The following SRPRB variants were observed in gnomAD, a reference collection of about 807,000 sequenced individuals.
SRPRB encodes signal recognition particle receptor subunit beta.
A neutral mutation model predicts 31.9 loss-of-function variants in SRPRB; 20 were observed. The ratio of observed to expected loss-of-function variants is 0.63; its 90% CI spans 0.44 to 0.91. The LOEUF (loss-of-function observed/expected upper bound fraction) is 0.91, where lower values mean the gene tolerates loss of function less well. Among genes scored for constraint, SRPRB ranks in the 40% least tolerant of loss-of-function variants. SRPRB has a pLI of 0.00. For missense variants in SRPRB, 321 were observed against 324.9 expected, an observed-to-expected ratio of 0.99 and a Z score of 0.09; for synonymous variants, 146 against 132.8, an observed-to-expected ratio of 1.10 and a Z score of -0.68.
intron 3 of SRPRB, 105 bp downstream of exon 3, chr3:133,807,928 T>C: frequency 1.3e-6 from 1 of 777,942 alleles, no homozygotes; most frequent in East Asian, 2.6e-5. Context: ...AAGTACCATT[T>C]GTAGCTTATT....
At chr3:133,810,618 AGT>A (rs1010177503) in intron 3 of SRPRB, 1 of 152,276 alleles carries the variant, frequency 6.6e-6, no homozygotes, top group African/African-American at 2.4e-5. Context: ...AAATGATAAA[AGT>A]GTACTTTGTT....
chr3:133,827,384 T>C (rs543297110), downstream of SRPRB: 9 of 153,186 alleles, frequency 5.9e-5, no homozygotes, highest in African/African-American at 2.2e-4. Flanking sequence ...CTCAGGGCAG[T>C]GAGTCTGAGT....
chr3:133,807,377 C>G (rs994928071), intron 2 of SRPRB, among the ~76,000 whole-genome samples: 2 of 151,398 alleles, frequency 1.3e-5, no homozygotes, highest in Non-Finnish European at 1.5e-5. Flanking sequence ...CCTCAGCCTC[C>G]GAGTAGCTGG....
intron 3 of SRPRB, among the ~76,000 whole-genome samples, chr3:133,809,520 C>T (rs1935221995): frequency 6.6e-6 from 1 of 151,666 alleles, no homozygotes; most frequent in Non-Finnish European, 1.5e-5. Context: ...CTCTTTGTGG[C>T]CCAGACCTTT....
Position 133,806,003 on chromosome 3 carries a change from G to A in SRPRB, c.154+1G>A, listed in dbSNP as rs1935149297. ...GTTCTTGCGGTGCTGCTGACGCTAG[G>A]TAAAAGGCGGCCGGTGGTCATGGCG... On this transcript the variant is annotated splice_donor_variant, in intron 1 of 6. Transcript: ENST00000678299. LOFTEE classifies it high-confidence loss of function. 1.2e-6 allele frequency: 2 copies of A among 1,612,244 alleles called. No individual in the cohort carries two copies. Among genetic ancestry groups the A allele is most frequent in the Non-Finnish European group, 1.7e-6 (2 of 1,178,862 alleles).
At chr3:133,800,574 G>A (rs376325662) in intron 1 of SRPRB, among the ~76,000 whole-genome samples, 1 of 152,174 alleles carries the variant, frequency 6.6e-6, no homozygotes, top group African/African-American at 2.4e-5. Flanking sequence ...TGTATCTGAC[G>A]AAGAATATTG....
chr3:133,806,893 CT>C (rs76635982), intron 2 of SRPRB, among the ~76,000 whole-genome samples, 190 bp downstream of exon 2: 18 of 148,822 alleles, frequency 1.2e-4, no homozygotes, highest in Admixed American at 2.7e-4. Flanking sequence ...GTCATTTCTC[CT>C]TTTTTTTTTC....
chr3:133,784,459 C>A (rs1160434432), intron 1 of SRPRB: 1 of 97,364 alleles, frequency 1.0e-5, no homozygotes, highest in Non-Finnish European at 2.0e-5. Context: ...TGTAAATTCC[C>A]ATTTGTTAAA....
At chr3:133,823,725 G>T (rs970482647), downstream of SRPRB, among the ~76,000 whole-genome samples, 7 of 152,168 alleles carry the variant, frequency 4.6e-5, no homozygotes, top group African/African-American at 1.7e-4. Flanking sequence ...ACCTGGAGGG[G>T]CCACTCAGGG....
intron 6 of SRPRB, among the ~76,000 whole-genome samples, chr3:133,818,786 G>GTGTGTA (rs1491489219): frequency 9.6e-5 from 1 of 10,426 alleles, no homozygotes; most frequent in Admixed American, 8.6e-4. Flanking sequence ...TACTTTTACA[G>GTGTGTA]TGTGTGTGTG....
intron 1 of SRPRB, chr3:133,789,878 CG>C (rs1278111264): frequency 2.9e-3 from 150 of 52,432 alleles, no homozygotes; most frequent in African/African-American, 0.01. Flanking sequence ...ATCTCGTTTG[CG>C]TTTTTTTTTT....
chr3:133,789,606 T>G (rs1934777086), intron 1 of SRPRB: 1 of 152,242 alleles, frequency 6.6e-6, no homozygotes, highest in African/African-American at 2.4e-5. Context: ...ATTTGTTATA[T>G]GTTGTGTTTT....
chr3:133,818,683 A>G (rs1935408666), intron 6 of SRPRB, among the ~76,000 whole-genome samples: 1 of 152,094 alleles, frequency 6.6e-6, no homozygotes. Flanking sequence ...ATACCTATGT[A>G]CTCACCACCA....
chr3:133,799,001 A>T (rs1935021284), intron 1 of SRPRB, among the ~76,000 whole-genome samples: 1 of 152,192 alleles, frequency 6.6e-6, no homozygotes, highest in African/African-American at 2.4e-5. Flanking sequence ...CAACTCACTC[A>T]TAAAGAAATA....
intron 5 of SRPRB, among the ~76,000 whole-genome samples, chr3:133,816,397 T>C (rs968616542): frequency 3.3e-5 from 5 of 152,236 alleles, no homozygotes; most frequent in Non-Finnish European, 7.4e-5. Flanking sequence ...TTATTTGCCA[T>C]GGGCTTTGTG....
At chr3:133,815,083 A>G (rs1462484943) in intron 4 of SRPRB, among the ~76,000 whole-genome samples, 2 of 152,186 alleles carry the variant, frequency 1.3e-5, no homozygotes, top group Non-Finnish European at 2.9e-5. Flanking sequence ...TAGGCTGAGT[A>G]TCCCTTATCC....
At chr3:133,791,533 A>C (rs1471237177) in intron 1 of SRPRB, 1 of 152,110 alleles carries the variant, frequency 6.6e-6, no homozygotes, top group Non-Finnish European at 1.5e-5. Context: ...CTCCTCTGTA[A>C]AGTTTTGATT....
downstream of SRPRB, chr3:133,824,966 T>A (rs958044155): frequency 1.3e-5 from 2 of 152,200 alleles, no homozygotes; most frequent in East Asian, 3.9e-4. Context: ...ATCCTGGTTT[T>A]CCTGCCTGTA....
intron 1 of SRPRB, chr3:133,791,009 C>A (rs1934817514): frequency 6.6e-6 from 1 of 152,122 alleles, no homozygotes; most frequent in Non-Finnish European, 1.5e-5. Context: ...GCCATTTATT[C>A]TCCTCTGGCT....
Sources: allele counts gnomAD v4.1 joint callset (sites outside exome capture counted in the v4.1 genomes callset), GRCh38; gene constraint gnomAD v4.1.1; transcripts MANE v1.5; gene names NCBI Gene and HGNC (gene_info 2026-07-23, HGNC 2026-07-21).